The following RGS7 variants were observed in gnomAD, a reference collection of about 807,000 sequenced individuals.
RGS7 encodes regulator of G protein signaling 7.
RGS7 carries 27 observed loss-of-function variants against 81.1 expected under a neutral mutation model. The ratio of observed to expected loss-of-function variants is 0.33; its 90% CI spans 0.25 to 0.46. The LOEUF (loss-of-function observed/expected upper bound fraction) is 0.46. Among genes scored for constraint, RGS7 ranks in the 20% least tolerant of loss-of-function variants. The pLI is 1.00. For synonymous variants in RGS7, 208 were observed against 207.7 expected, an observed-to-expected ratio of 1.00 and a Z score of -0.01; for missense variants, 396 against 607.4, an observed-to-expected ratio of 0.65 and a Z score of 3.66.
chr1:241,103,916 A>G (rs1421048187), intron 2 of RGS7, among the ~76,000 whole-genome samples: 3 of 152,154 alleles, frequency 2.0e-5, no homozygotes, highest in Non-Finnish European at 4.4e-5. Flanking sequence ...CCTTATACAA[A>G]TGTATTTGCT....
chr1:241,162,268 G>A (rs1425692747), intron 2 of RGS7, among the ~76,000 whole-genome samples: 3 of 146,162 alleles, frequency 2.1e-5, no homozygotes, highest in African/African-American at 7.7e-5. Flanking sequence ...CTAAGCATGT[G>A]CACTAAGAGG....
chr1:240,887,329 C>A (rs918488462), intron 6 of RGS7, among the ~76,000 whole-genome samples: 4 of 148,472 alleles, frequency 2.7e-5, no homozygotes, highest in Admixed American at 6.7e-5. Context: ...CCTGGGTTCA[C>A]GCCATTCTCC....
intron 2 of RGS7, among the ~76,000 whole-genome samples, chr1:241,175,622 A>C (rs2071078045): frequency 6.6e-6 from 1 of 152,182 alleles, no homozygotes; most frequent in Non-Finnish European, 1.5e-5. Context: ...AGAGGGCACT[A>C]GGAAAATACA....
chr1:240,890,013 T>C (rs1370438631), intron 6 of RGS7, among the ~76,000 whole-genome samples: 3 of 152,158 alleles, frequency 2.0e-5, no homozygotes, highest in Admixed American at 1.3e-4. Context: ...CTCCTCCTAT[T>C]TGCCAAAACA....
chr1:241,003,806 T>C (rs2058544794), intron 3 of RGS7, among the ~76,000 whole-genome samples: 1 of 152,132 alleles, frequency 6.6e-6, no homozygotes, highest in African/African-American at 2.4e-5. Context: ...TGGAGTGCAG[T>C]AGCACAATCT....
intron 2 of RGS7, among the ~76,000 whole-genome samples, chr1:241,196,197 A>G (rs980793711): frequency 2.6e-5 from 4 of 152,168 alleles, no homozygotes; most frequent in Non-Finnish European, 5.9e-5. Context: ...AGACAGTAGA[A>G]AGATATCTTT....
At chr1:241,024,544 A>G (rs189227503) in intron 3 of RGS7, among the ~76,000 whole-genome samples, 3 of 152,340 alleles carry the variant, frequency 2.0e-5, no homozygotes, top group Non-Finnish European at 2.9e-5. Context: ...ATCTCATTAT[A>G]TTATTATTAA....
chr1:241,065,556 A>G (rs577140436), intron 3 of RGS7, among the ~76,000 whole-genome samples: 1 of 152,344 alleles, frequency 6.6e-6, no homozygotes, highest in African/African-American at 2.4e-5. Context: ...TTTTATATCA[A>G]TGGGAGTTAT....
chr1:241,122,402 C>T (rs544322658), intron 2 of RGS7, among the ~76,000 whole-genome samples: 3 of 152,186 alleles, frequency 2.0e-5, no homozygotes, highest in South Asian at 2.1e-4. Flanking sequence ...GTGTCTGATG[C>T]CTGTAATCCC....
intron 2 of RGS7, among the ~76,000 whole-genome samples, chr1:241,290,065 A>G (rs567735000): frequency 2.0e-5 from 3 of 152,228 alleles, no homozygotes; most frequent in Admixed American, 6.5e-5. Flanking sequence ...GTATTTTTAT[A>G]TACTGGTTAG....
chr1:240,795,889 C>T (rs1030798600), intron 18 of RGS7, among the ~76,000 whole-genome samples: 3 of 151,988 alleles, frequency 2.0e-5, no homozygotes, highest in African/African-American at 4.8e-5. Context: ...TAGAGAGGGT[C>T]ATCTAGAGGT....
At chr1:240,931,689 A>AT (rs200743317) in intron 5 of RGS7, among the ~76,000 whole-genome samples, 1,549 of 152,178 alleles carry the variant, frequency 0.01, 30 homozygotes, top group African/African-American at 0.036. Context: ...CAAATCAGAG[A>AT]TTTTTTTTAA....
chr1:240,834,671 C>T (rs1402804622), intron 9 of RGS7, among the ~76,000 whole-genome samples: 5 of 152,130 alleles, frequency 3.3e-5, no homozygotes, highest in Middle Eastern at 3.4e-3. Flanking sequence ...CCACCACGCC[C>T]AGCTAATTTT....
At position 241,024,528 on chromosome 1, in the gene RGS7, A is replaced by G. The variant is rs77047039; in HGVS notation, c.176-41399T>C. 6.0e-3 allele frequency among the ~76,000 whole-genome samples: 907 copies of G among 152,346 alleles called. 8 individuals carry two copies. Among genetic ancestry groups the G allele is most frequent in the African/African-American group, 0.017 (700 of 41,574 alleles). On this transcript the variant is annotated intron_variant, in intron 3 of 18. Transcript: ENST00000440928. ...AGCTAGTATACCAGTGACATTCTGGAATAATATCTCATTATATTATTATTA... is the reference window on the plus strand; with the variant it reads ...AGCTAGTATACCAGTGACATTCTGGGATAATATCTCATTATATTATTATTA...
Position 241,017,938 on chromosome 1 carries a change from G to A in RGS7, c.176-34809C>T, listed in dbSNP as rs144838885. 4.2e-3 allele frequency among the ~76,000 whole-genome samples: 637 copies of A among 150,868 alleles called. 2 individuals carry two copies. Among genetic ancestry groups the A allele is most frequent in the Middle Eastern group, 0.014 (4 of 294 alleles). On this transcript the variant is annotated intron_variant, in intron 3 of 18. Transcript: ENST00000440928. ...CCAACATCTGTTTCATATGTTAGTCGGGTTCTGATGACTGCTTTGTCTCTC... is the reference window on the plus strand; with the variant it reads ...CCAACATCTGTTTCATATGTTAGTCAGGTTCTGATGACTGCTTTGTCTCTC...
intron 2 of RGS7, among the ~76,000 whole-genome samples, chr1:241,336,460 C>A (rs1275005234): frequency 6.6e-6 from 1 of 152,180 alleles, no homozygotes; most frequent in African/African-American, 2.4e-5. Context: ...ACATAGGAAT[C>A]CAGACAGAAA....
intron 10 of RGS7, chr1:240,822,950 A>G (rs1209260961): frequency 1.0e-5 from 5 of 478,936 alleles, no homozygotes; most frequent in African/African-American, 9.9e-5. Flanking sequence ...GTGAACGAAT[A>G]AATAATACAT....
intron 3 of RGS7, among the ~76,000 whole-genome samples, chr1:241,086,152 C>T (rs2063431053): frequency 1.3e-5 from 2 of 152,132 alleles, no homozygotes; most frequent in African/African-American, 4.8e-5. Context: ...TGAATAAATC[C>T]CTCTAAATTT....
intron 6 of RGS7, among the ~76,000 whole-genome samples, chr1:240,913,584 C>T (rs1468217716): frequency 2.0e-5 from 3 of 151,926 alleles, no homozygotes; most frequent in East Asian, 1.9e-4. Context: ...TGTTGTTGTT[C>T]GTTTTTGCTA....
Sources: allele counts gnomAD v4.1 joint callset (sites outside exome capture counted in the v4.1 genomes callset), GRCh38; gene constraint gnomAD v4.1.1; transcripts MANE v1.5; gene names NCBI Gene and HGNC (gene_info 2026-07-23, HGNC 2026-07-21).